Variants in NHSL2 observed in about 807,000 individuals in gnomAD.
The protein encoded by NHSL2 is NHS-like protein 2.
In NHSL2, 27 loss-of-function variants were observed where a neutral mutation model predicts 53.4. That is an observed-to-expected ratio of 0.51 (90% CI 0.37 to 0.70). The LOEUF is 0.70. Ranked by LOEUF, NHSL2 falls within the 30% of genes least tolerant of loss-of-function variation. The pLI, the probability that NHSL2 is intolerant of heterozygous loss-of-function variation, is 0.00. For missense variants in NHSL2, 892 were observed against 980.1 expected, an observed-to-expected ratio of 0.91 and a Z score of 1.20; for synonymous variants, 408 against 404.1, an observed-to-expected ratio of 1.01 and a Z score of -0.12.
chrX:72,014,048 G>T (rs2042126382), intron 1 of NHSL2, among the ~76,000 whole-genome samples: 1 of 111,758 alleles, frequency 8.9e-6, no homozygotes, highest in Non-Finnish European at 1.9e-5. Flanking sequence ...GATTTGGGAA[G>T]TTTATATTTT....
intron 1 of NHSL2, among the ~76,000 whole-genome samples, chrX:72,115,640 G>A (rs929134790): frequency 9.0e-6 from 1 of 111,106 alleles, no homozygotes; most frequent in Non-Finnish European, 1.9e-5. Context: ...AGCTAATTGA[G>A]TCTGGGGCTG....
At chrX:72,033,806 C>A (rs1014842487) in intron 1 of NHSL2, among the ~76,000 whole-genome samples, 4 of 110,096 alleles carry the variant, frequency 3.6e-5, no homozygotes, top group Non-Finnish European at 7.6e-5. Context: ...TTGGGATTTT[C>A]TATATATATA....
chrX:72,121,561 A>G (rs1224879911), intron 1 of NHSL2, among the ~76,000 whole-genome samples: 1 of 111,930 alleles, frequency 8.9e-6, no homozygotes, highest in East Asian at 2.8e-4. Flanking sequence ...ACTCAGGACC[A>G]AGAGGAAGAG....
intron 1 of NHSL2, among the ~76,000 whole-genome samples, chrX:72,015,060 A>G (rs1222523089): frequency 2.7e-5 from 3 of 111,083 alleles, no homozygotes; most frequent in Non-Finnish European, 5.7e-5. Flanking sequence ...AGAGAGCATG[A>G]TTTTTAAAAA....
chrX:72,131,290 A>G lies in NHSL2; in HGVS notation c.281-789A>G, dbSNP rs753064444. ...TGGGGGAGGCCGGCACAAGAAGGGCAGTTCTCCCCCGGGAATGACTTCGAT... is the reference window on the plus strand; with the variant it reads ...TGGGGGAGGCCGGCACAAGAAGGGCGGTTCTCCCCCGGGAATGACTTCGAT... On this transcript the variant is annotated intron_variant, in intron 1 of 7. Coordinates refer to ENST00000633930, the MANE Select transcript of NHSL2 (RefSeq NM_001013627.3). The G allele has an allele frequency of 1.0e-4, 121 of 1,195,108 alleles. No homozygotes were observed. The highest frequency in any genetic ancestry group is 1.3e-4 in the Non-Finnish European group (118 of 888,392).
chrX:72,034,268 A>G (rs1359921244), intron 1 of NHSL2, among the ~76,000 whole-genome samples: 1 of 112,319 alleles, frequency 8.9e-6, no homozygotes, highest in Non-Finnish European at 1.9e-5. Context: ...AACCTCCACT[A>G]GAGTAAAATA....
intron 1 of NHSL2, among the ~76,000 whole-genome samples, chrX:71,979,278 T>G (rs1262425483): frequency 9.0e-6 from 1 of 110,898 alleles, no homozygotes; most frequent in Non-Finnish European, 1.9e-5. Flanking sequence ...ATATACCCAG[T>G]AATGGGATGG....
Position 71,989,022 on chromosome X carries a change from GT to G in NHSL2, c.280+77660del, listed in dbSNP as rs770926574. 2.7e-5 allele frequency among the ~76,000 whole-genome samples: 3 copies of G among 111,362 alleles called. No homozygotes were observed. The South Asian group carries it at 1.1e-3, about 43-fold the overall frequency. ...TATGCAATATACTAACACTTTCTAT[GT>G]TTTTGTTCCATCAAGTATGAGCTGC... On this transcript the variant is annotated intron_variant, in intron 1 of 7. Transcript: ENST00000633930.
Position 72,132,167 on chromosome X carries a change from G to C in NHSL2, c.369G>C (p.Ser123=), listed in dbSNP as rs980888704. ...AGCCAGTGAACGTGTTCCTCTCCTC[G>C]GGCAGGCCCCCGAGTGTAGAGGAGC... ...WRQPVNVFLS[S]GRPPSVEELL... The change falls in exon 2 of 8, where the codon TCG becomes TCC. Residue 123 remains serine (S), a synonymous_variant. Coordinates refer to ENST00000633930, the MANE Select transcript of NHSL2 (RefSeq NM_001013627.3). 4 of 1,164,736 alleles carry C rather than the reference G, an allele frequency of 3.4e-6. No homozygotes were observed. The highest frequency in any genetic ancestry group is 3.6e-5 in the African/African-American group (2 of 55,668).
chrX:72,120,775 A>T (rs1205753064), intron 1 of NHSL2, among the ~76,000 whole-genome samples: 1 of 112,587 alleles, frequency 8.9e-6, no homozygotes, highest in Non-Finnish European at 1.9e-5. Flanking sequence ...GCATATTGTT[A>T]TGTCTCCTCA....
intron 1 of NHSL2, among the ~76,000 whole-genome samples, chrX:72,022,086 A>G (rs1005627600): frequency 9.0e-6 from 1 of 111,710 alleles, no homozygotes. Flanking sequence ...AATCTTTCCC[A>G]TGCTTCAAGA....
chrX:72,124,994 C>T (rs2042211370), intron 1 of NHSL2, among the ~76,000 whole-genome samples: 1 of 112,132 alleles, frequency 8.9e-6, no homozygotes, highest in Non-Finnish European at 1.9e-5. Flanking sequence ...CCCAGGTGGG[C>T]CCTGCCCATC....
chrX:71,989,691 C>T (rs1480930466), intron 1 of NHSL2, among the ~76,000 whole-genome samples: 3 of 112,308 alleles, frequency 2.7e-5, no homozygotes, highest in African/African-American at 6.5e-5. Flanking sequence ...TTTTTAGAAC[C>T]CCACAGTGAT....
intron 1 of NHSL2, among the ~76,000 whole-genome samples, chrX:71,944,321 T>C (rs1198094990): frequency 8.9e-6 from 1 of 112,389 alleles, no homozygotes; most frequent in Non-Finnish European, 1.9e-5. Flanking sequence ...AGAGGATGGC[T>C]GTGAGGTAGG....
intron 1 of NHSL2, among the ~76,000 whole-genome samples, chrX:72,064,991 G>T (rs771472905): frequency 3.6e-5 from 4 of 111,970 alleles, no homozygotes; most frequent in African/African-American, 1.3e-4. Flanking sequence ...AGCCTTTCCA[G>T]ACCCTCTCCA....
chrX:71,989,220 G>A (rs772331901), intron 1 of NHSL2, among the ~76,000 whole-genome samples: 8 of 109,372 alleles, frequency 7.3e-5, no homozygotes, highest in South Asian at 4.0e-4. Flanking sequence ...GTGGTGGCAC[G>A]CGCCTATAGT....
At chrX:72,105,486 CT>C (rs991924109) in intron 1 of NHSL2, among the ~76,000 whole-genome samples, 1 of 111,840 alleles carries the variant, frequency 8.9e-6, no homozygotes, top group African/African-American at 3.2e-5. Flanking sequence ...CCCAACCTCT[CT>C]CACTTGGGGC....
chrX:71,955,468 T>C (rs1226199826), intron 1 of NHSL2, among the ~76,000 whole-genome samples: 1 of 110,113 alleles, frequency 9.1e-6, no homozygotes, highest in African/African-American at 3.3e-5. Flanking sequence ...TGGTTCTTGG[T>C]GGTATGCATC....
intron 2 of NHSL2, 121 bp downstream of exon 2, chrX:72,132,355 T>G: frequency 1.5e-6 from 1 of 669,995 alleles, no homozygotes; most frequent in Non-Finnish European, 2.2e-6. Context: ...TTAAAAACAA[T>G]CGACAAAGCA....
Sources: allele counts gnomAD v4.1 joint callset (sites outside exome capture counted in the v4.1 genomes callset), GRCh38; gene constraint gnomAD v4.1.1; transcripts MANE v1.5; gene names NCBI Gene and HGNC (gene_info 2026-07-23, HGNC 2026-07-21).